Variants in AGBL1 observed in about 807,000 individuals in gnomAD.
AGBL1 encodes the protein cytosolic carboxypeptidase 4.
In AGBL1, 130 loss-of-function variants were observed where a neutral mutation model predicts 118.9. The observed-to-expected ratio is 1.09, with a 90% CI of 0.95 to 1.26. AGBL1 has a LOEUF of 1.26. AGBL1 is among the 50% of genes most tolerant of loss of function. AGBL1 has a pLI of 0.00. For synonymous variants in AGBL1, 555 were observed against 478.9 expected, an observed-to-expected ratio of 1.16 and a Z score of -2.08; for missense variants, 1,584 against 1,298.1, an observed-to-expected ratio of 1.22 and a Z score of -3.38.
chr15:86,853,168 A>G (rs2141463085), intron 22 of AGBL1, among the ~76,000 whole-genome samples: 1 of 152,348 alleles, frequency 6.6e-6, no homozygotes, highest in East Asian at 1.9e-4. Context: ...TAGAATAAGT[A>G]GTTTAGGAGA....
chr15:86,872,210 A>G (rs2079739482), intron 22 of AGBL1, among the ~76,000 whole-genome samples: 1 of 152,236 alleles, frequency 6.6e-6, no homozygotes, highest in Non-Finnish European at 1.5e-5. Context: ...AATCACAAGC[A>G]GTGCCTGTGA....
At chr15:86,335,299 C>T (rs1265094534) in intron 17 of AGBL1, among the ~76,000 whole-genome samples, 1 of 152,096 alleles carries the variant, frequency 6.6e-6, no homozygotes, top group Non-Finnish European at 1.5e-5. Context: ...CCACCACGCC[C>T]AGCTAATTTT....
chr15:86,270,973 G>A (rs2079150713), intron 14 of AGBL1, among the ~76,000 whole-genome samples: 2 of 150,820 alleles, frequency 1.3e-5, no homozygotes, highest in South Asian at 4.2e-4. Context: ...CTTGGCTGAT[G>A]GCCCCTTCTT....
At chr15:86,880,514 G>A (rs1379250255) in intron 22 of AGBL1, among the ~76,000 whole-genome samples, 1 of 152,160 alleles carries the variant, frequency 6.6e-6, no homozygotes, top group Admixed American at 6.5e-5. Flanking sequence ...GTAGTGAGAG[G>A]GTTCCCAGTG....
chr15:86,140,769 A>G lies in AGBL1; in HGVS notation c.52-1235A>G, dbSNP rs116618005. Reference sequence around the variant, plus strand: ...GAAAAGTGCGGCTGGAAGAGGGAAGAGTGTGATCAAAGTTACAGAGGCATG... The same window carrying G: ...GAAAAGTGCGGCTGGAAGAGGGAAGGGTGTGATCAAAGTTACAGAGGCATG... On this transcript the variant is annotated intron_variant, in intron 1 of 22. Coordinates refer to ENST00000614907, the MANE Select transcript of AGBL1 (RefSeq NM_001386094.1). 5.3e-3 allele frequency among the ~76,000 whole-genome samples: 808 copies of G among 152,246 alleles called. 8 individuals carry two copies. The highest frequency in any genetic ancestry group is 0.018 in the African/African-American group (743 of 41,552).
intron 22 of AGBL1, among the ~76,000 whole-genome samples, chr15:86,676,381 C>T (rs1250373510): frequency 6.6e-6 from 1 of 152,138 alleles, no homozygotes; most frequent in African/African-American, 2.4e-5. Context: ...AGGGAGATCA[C>T]CGTGAGCATT....
chr15:86,555,432 T>C (rs749566261), intron 21 of AGBL1, among the ~76,000 whole-genome samples: 9 of 152,246 alleles, frequency 5.9e-5, no homozygotes, highest in South Asian at 2.1e-4. Flanking sequence ...CCAAAGAGAG[T>C]ACAGGGTGTG....
chr15:86,220,917 G>C (rs946880142), intron 5 of AGBL1, among the ~76,000 whole-genome samples: 2 of 152,048 alleles, frequency 1.3e-5, no homozygotes, highest in African/African-American at 4.8e-5. Context: ...TTCAGGCCGT[G>C]CACAGTGACT....
rs570557015 is a variant in AGBL1, at chr15:86,687,039, C to T, written c.3158+12603C>T. On this transcript the variant is annotated intron_variant, in intron 22 of 22. Coordinates refer to ENST00000614907, the MANE Select transcript of AGBL1 (RefSeq NM_001386094.1). Reference sequence around the variant, plus strand: ...CATTCATCTCTGGTTTCTAACTTATCCTTGCACCGGTCAGGGTTTTGTCAG... The same window carrying T: ...CATTCATCTCTGGTTTCTAACTTATTCTTGCACCGGTCAGGGTTTTGTCAG... 2.0e-5 allele frequency among the ~76,000 whole-genome samples: 3 copies of T among 152,196 alleles called. No homozygotes were observed. The East Asian group carries it at 5.8e-4, about 29-fold the overall frequency.
intron 22 of AGBL1, among the ~76,000 whole-genome samples, chr15:86,844,525 C>T (rs1420477712): frequency 4.6e-5 from 7 of 152,136 alleles, no homozygotes. Flanking sequence ...TGAAATCCCT[C>T]TCCGAATATT....
intron 17 of AGBL1, among the ~76,000 whole-genome samples, chr15:86,302,137 TAAG>T (rs2079756739): frequency 6.6e-6 from 1 of 152,066 alleles, no homozygotes; most frequent in African/African-American, 2.4e-5. Context: ...ACTTTAATAA[TAAG>T]AAGTCAGGAA....
At chr15:86,170,360 G>T (rs993612595) in intron 5 of AGBL1, among the ~76,000 whole-genome samples, 1 of 152,094 alleles carries the variant, frequency 6.6e-6, no homozygotes, top group Non-Finnish European at 1.5e-5. Flanking sequence ...AGTGAACTAT[G>T]GGACAACTTC....
chr15:86,732,590 A>C (rs2077540738), intron 22 of AGBL1, among the ~76,000 whole-genome samples: 1 of 152,200 alleles, frequency 6.6e-6, no homozygotes, highest in Non-Finnish European at 1.5e-5. Context: ...TTTGAAAATT[A>C]AGTTCTTGAA....
At chr15:86,698,095 T>G (rs2086293004) in intron 22 of AGBL1, among the ~76,000 whole-genome samples, 1 of 152,038 alleles carries the variant, frequency 6.6e-6, no homozygotes, top group African/African-American at 2.4e-5. Context: ...AATTTAGTCC[T>G]GCCTCCTATC....
At chr15:86,648,121 G>C (rs1245266236) in intron 21 of AGBL1, among the ~76,000 whole-genome samples, 1 of 152,202 alleles carries the variant, frequency 6.6e-6, no homozygotes, top group Non-Finnish European at 1.5e-5. Flanking sequence ...TGAGAGAAAT[G>C]AGAAGTTAGT....
At chr15:86,234,446 G>T (rs1209542811) in intron 6 of AGBL1, among the ~76,000 whole-genome samples, 1 of 151,722 alleles carries the variant, frequency 6.6e-6, no homozygotes, top group African/African-American at 2.4e-5. Flanking sequence ...AGCTATTTGG[G>T]AGGCTGAGGC....
intron 22 of AGBL1, among the ~76,000 whole-genome samples, chr15:86,733,817 T>A (rs1245219345): frequency 6.6e-6 from 1 of 152,212 alleles, no homozygotes; most frequent in Non-Finnish European, 1.5e-5. Context: ...TGGTTAAAAG[T>A]GTCTTTATCC....
At chr15:86,484,996 GA>G (rs1268723826) in intron 18 of AGBL1, among the ~76,000 whole-genome samples, 3 of 152,096 alleles carry the variant, frequency 2.0e-5, no homozygotes, top group Admixed American at 6.6e-5. Flanking sequence ...AAAGATTTTG[GA>G]AAACTATCTT....
rs563052860 is a variant in AGBL1, at chr15:86,221,015, C to T, written c.489-3899C>T. ...AGGAGTTTGAGACCAGCCTAGCCAA[C>T]ATGGTGAAACCCCGTCTCTACTAAA... On this transcript the variant is annotated intron_variant, in intron 5 of 22. Transcript: ENST00000614907. 2.0e-5 allele frequency among the ~76,000 whole-genome samples: 3 copies of T among 152,152 alleles called. No homozygotes were observed. In the East Asian group the frequency reaches 5.8e-4, roughly 29 times the overall value.
Sources: allele counts gnomAD v4.1 joint callset (sites outside exome capture counted in the v4.1 genomes callset), GRCh38; gene constraint gnomAD v4.1.1; transcripts MANE v1.5; gene names NCBI Gene and HGNC (gene_info 2026-07-23, HGNC 2026-07-21).